ITPRID2: variants seen among roughly 807,000 people sequenced by gnomAD.
ITPRID2 encodes the protein ITPR interacting domain containing 2, also known as protein ITPRID2.
Under a neutral mutation model 124.3 loss-of-function variants are expected in ITPRID2, and 60 were observed. The ratio of observed to expected loss-of-function variants is 0.48; its 90% confidence interval spans 0.39 to 0.60. The LOEUF is 0.60. Ranked by LOEUF, ITPRID2 falls within the 20% of genes least tolerant of loss-of-function variation. ITPRID2 has a pLI of 0.00. For synonymous variants in ITPRID2, 521 were observed against 542.9 expected (o/e 0.96, Z 0.56); for missense variants, 1,553 against 1,512.2 (o/e 1.03, Z -0.45).
In ITPRID2 at chr2:181,919,235, TTG is replaced by T. The variant is rs1470602891; in HGVS notation, c.2994-58_2994-57del. 3 of 1,587,388 alleles carry T rather than the reference TTG, an allele frequency of 1.9e-6. No individual in the cohort carries two copies. The highest frequency in any genetic ancestry group is 1.7e-4 in the Middle Eastern group (1 of 6,006). The stretch of plus-strand genomic sequence containing the variant: ...TAGCATATAGTAGTTGTTGAAAGAT[TTG>T]TGATTAGGAATCTCCAAACTGCATT... On this transcript the variant is annotated intron_variant, in intron 13 of 17. Coordinates refer to ENST00000431877, the MANE Select transcript of ITPRID2 (RefSeq NM_001130445.3). The surrounding 1 kb of genome is among the most constrained non-coding windows in gnomAD (Gnocchi z 4.2).
At position 181,896,204 on chromosome 2, in the gene ITPRID2, C is replaced by A; in HGVS notation, c.307+125C>A. On this transcript the variant is annotated intron_variant, in intron 3 of 17. Coordinates refer to ENST00000431877, the MANE Select transcript of ITPRID2 (RefSeq NM_001130445.3). The surrounding 1 kb of genome is among the most constrained non-coding windows in gnomAD (Gnocchi z 4.3). ...TGTTTATAGTATATGCTATTCTGAG[C>A]TAGAAGCAAAATGGAGAAACTTTGT... 1 of 821,628 alleles carries A rather than the reference C, an allele frequency of 1.2e-6. No individual in the cohort carries two copies. Among genetic ancestry groups the A allele is most frequent in the South Asian group, 2.0e-5 (1 of 50,894 alleles). The allele number at this position is 821,628 out of a possible 1,614,324, so 50.9% of individuals were successfully genotyped here. A position where few individuals can be genotyped will look rare whatever the true frequency, so the allele number is the denominator to read the frequency against.
chr2:181,902,593 C>A lies in ITPRID2; in HGVS notation c.1413+127C>A. The A allele has an allele frequency of 1.4e-6, 1 of 728,560 alleles. No homozygotes were observed. Among genetic ancestry groups the A allele is most frequent in the Non-Finnish European group, 2.1e-6 (1 of 474,380 alleles). The allele number at this position is 728,560 out of a possible 1,614,324, so 45.1% of individuals were successfully genotyped here. A position where few individuals can be genotyped will look rare whatever the true frequency, so the allele number is the denominator to read the frequency against. On this transcript the variant is annotated intron_variant, in intron 8 of 17. Transcript: ENST00000431877. The surrounding 1 kb of genome is among the most constrained non-coding windows in gnomAD (Gnocchi z 4.4). Reference sequence around the variant, plus strand: ...AAAATTTATTCTAATTTTGACTTTCCAGGTTTATGTTTCACAAACCAAGAA... The same window carrying A: ...AAAATTTATTCTAATTTTGACTTTCAAGGTTTATGTTTCACAAACCAAGAA...
chr2:181,915,102 G>A (rs2125096289), intron 10 of ITPRID2, 114 bp from the exon 11 acceptor site: 1 of 1,243,260 alleles, frequency 8.0e-7, no homozygotes, highest in East Asian at 2.3e-5. Context: ...CAACAGCAGG[G>A]CCACAACTGC....
rs889925189 is a variant in ITPRID2 at position 181,905,893 on chromosome 2, T to A, written c.1413+3427T>A. On this transcript the variant is annotated intron_variant, in intron 8 of 17. Coordinates refer to ENST00000431877, the MANE Select transcript of ITPRID2 (RefSeq NM_001130445.3). The surrounding 1 kb of genome is among the most constrained non-coding windows in gnomAD (Gnocchi z 4.1). ...GGCCTTTTAAATGTAACTGTGTATG[T>A]TTTGAAGATAAGCCTGCCCTGGAAT... Among the ~76,000 whole-genome samples the A allele has an allele frequency of 3.9e-5, 6 of 152,196 alleles. No homozygotes were observed. Among genetic ancestry groups the A allele is most frequent in the Non-Finnish European group, 7.3e-5 (5 of 68,034 alleles).
rs192706577 is a variant in ITPRID2 at position 181,919,520 on chromosome 2, G to A, written c.3144+74G>A. On this transcript the variant is annotated intron_variant, in intron 14 of 17. Coordinates refer to ENST00000431877, the MANE Select transcript of ITPRID2 (RefSeq NM_001130445.3). This position sits in a 1 kb window ranked among gnomAD's most constrained non-coding sequence, Gnocchi z 4.2. ...AATGTTCCAATAATTTAGGACGTGT[G>A]CCTTCATTTCAAGTCATTTATTTTA... is the stretch of plus-strand genomic sequence containing the variant. 1.3e-5 allele frequency: 19 copies of A among 1,432,408 alleles called. No individual in the cohort carries two copies. The African/African-American group carries it at 2.0e-4, about 15-fold the overall frequency. 88.7% of individuals were successfully genotyped at this position (1,432,408 alleles called of 1,614,324 possible). A position where few individuals can be genotyped will look rare whatever the true frequency, so the allele number is the denominator to read the frequency against.
Position 181,907,753 on chromosome 2 carries a change from C to T in ITPRID2, c.1414-2146C>T, listed in dbSNP as rs1033858110. Among the ~76,000 whole-genome samples the T allele has an allele frequency of 5.3e-5, 8 of 152,054 alleles. No individual in the cohort carries two copies. Among genetic ancestry groups the T allele is most frequent in the Admixed American group, 5.2e-4 (8 of 15,276 alleles). On this transcript the variant is annotated intron_variant, in intron 8 of 17. Coordinates refer to ENST00000431877, the MANE Select transcript of ITPRID2 (RefSeq NM_001130445.3). The surrounding 1 kb of genome is among the most constrained non-coding windows in gnomAD (Gnocchi z 5.1). Reference sequence around the variant, plus strand: ...CTGCCGCCTTTTGCACAATTGTGACCAATAATAAAATAAGAAATTCACCCA... The same window carrying T: ...CTGCCGCCTTTTGCACAATTGTGACTAATAATAAAATAAGAAATTCACCCA...
At chr2:181,926,832 CATT>C (rs1316710577) in intron 16 of ITPRID2, among the ~76,000 whole-genome samples, 2 of 151,818 alleles carry the variant, frequency 1.3e-5, no homozygotes, top group African/African-American at 2.4e-5. Context: ...AGACTATACT[CATT>C]GTTGTGAATA....
At chr2:181,918,903 A>G in intron 13 of ITPRID2, 21 bp downstream of exon 13, 1 of 1,603,286 alleles carries the variant, frequency 6.2e-7, no homozygotes, top group Non-Finnish European at 8.5e-7. Context: ...ATTTTGTCTT[A>G]GCACACCTCA....
chr2:181,891,909 C>T lies in ITPRID2; in HGVS notation c.-158C>T, dbSNP rs1374359281. On this transcript the variant is annotated 5_prime_UTR_variant, in exon 1 of 18. Transcript: ENST00000431877. ...TTCCCTCCCCTTCCTTCCCTCCCTC[C>T]CTCCCTGTCCCCTCCTCCTCCTCCT... 1 of 525,594 alleles carries T rather than the reference C, an allele frequency of 1.9e-6. No individual in the cohort carries two copies. Among genetic ancestry groups the T allele is most frequent in the Non-Finnish European group, 3.3e-6 (1 of 298,906 alleles). 32.6% of individuals were successfully genotyped at this position (525,594 alleles called of 1,614,324 possible). A position where few individuals can be genotyped will look rare whatever the true frequency, so the allele number is the denominator to read the frequency against.
intron 2 of ITPRID2, chr2:181,894,840 C>T (rs751073251): frequency 6.6e-6 from 1 of 152,018 alleles, no homozygotes; most frequent in Non-Finnish European, 1.5e-5. Flanking sequence ...AAGGAGGATT[C>T]CTGTTACTCT....
rs769899758 is a variant in ITPRID2, at chr2:181,919,268, A to G, written c.2994-28A>G. 6.8e-6 allele frequency: 11 copies of G among 1,611,236 alleles called. No homozygotes were observed. Among genetic ancestry groups the G allele is most frequent in the East Asian group, 6.7e-5 (3 of 44,868 alleles). On this transcript the variant is annotated intron_variant, in intron 13 of 17. Coordinates refer to ENST00000431877, the MANE Select transcript of ITPRID2 (RefSeq NM_001130445.3). The surrounding 1 kb of genome is among the most constrained non-coding windows in gnomAD (Gnocchi z 4.2). The stretch of plus-strand genomic sequence containing the variant: ...AGGAATCTCCAAACTGCATTTTTCC[A>G]ATTTTGTGCCCTTCACCATACCAAT...
At position 181,892,692 on chromosome 2, in the gene ITPRID2, G is replaced by T; in HGVS notation, c.257+32G>T. The T allele has an allele frequency of 6.2e-7, 1 of 1,613,652 alleles. No individual in the cohort carries two copies. Among genetic ancestry groups the T allele is most frequent in the Non-Finnish European group, 8.5e-7 (1 of 1,179,810 alleles). Reference sequence around the variant, plus strand: ...GCTCCCTGGTCCGCCCGCGTCCCGGGGGAGATCCGTGCGGACGGGACGCCG... The same window carrying T: ...GCTCCCTGGTCCGCCCGCGTCCCGGTGGAGATCCGTGCGGACGGGACGCCG... On this transcript the variant is annotated intron_variant, in intron 2 of 17. Coordinates refer to ENST00000431877, the MANE Select transcript of ITPRID2 (RefSeq NM_001130445.3). The surrounding 1 kb of genome is among the most constrained non-coding windows in gnomAD (Gnocchi z 5.2).
At chr2:181,901,507 A>G (rs945970840) in intron 7 of ITPRID2, among the ~76,000 whole-genome samples, 6 of 152,184 alleles carry the variant, frequency 3.9e-5, no homozygotes, top group Admixed American at 2.6e-4. Context: ...TTTCTGTTTT[A>G]TTCAATGTTG....
In ITPRID2 at chr2:181,905,958, C is replaced by T. The variant is rs116158628; in HGVS notation, c.1413+3492C>T. On this transcript the variant is annotated intron_variant, in intron 8 of 17. Transcript: ENST00000431877. This position sits in a 1 kb window ranked among gnomAD's most constrained non-coding sequence, Gnocchi z 4.1. ...ATGACATGCACAGATATCTGCTACT[C>T]TAAAGCCCAATTAACCACTGTTTTG... Among the ~76,000 whole-genome samples, 635 of 152,280 alleles carry T rather than the reference C, an allele frequency of 4.2e-3. 7 individuals are homozygous for T. The highest frequency in any genetic ancestry group is 0.014 in the African/African-American group (601 of 41,542).
At position 181,892,363 on chromosome 2, in the gene ITPRID2, G is replaced by A. The variant is rs1691794477; in HGVS notation, c.211+86G>A. On this transcript the variant is annotated intron_variant, in intron 1 of 17. Transcript: ENST00000431877. This position sits in a 1 kb window ranked among gnomAD's most constrained non-coding sequence, Gnocchi z 5.2. ...CCTGGGCGCCTGCCACGAGTTCTGG[G>A]AGAGCCTCGGGCACGGTAGGCCGAG... 2 of 1,421,830 alleles carry A rather than the reference G, an allele frequency of 1.4e-6. No homozygotes were observed. Among genetic ancestry groups the A allele is most frequent in the Admixed American group, 2.3e-5 (1 of 42,980 alleles). 88.1% of individuals were successfully genotyped at this position (1,421,830 alleles called of 1,614,324 possible).
chr2:181,920,199 T>C (rs1054405172), intron 14 of ITPRID2, among the ~76,000 whole-genome samples: 1 of 152,214 alleles, frequency 6.6e-6, no homozygotes, highest in African/African-American at 2.4e-5. Flanking sequence ...CATACAATTA[T>C]GTGTGTATAT....
intron 8 of ITPRID2, among the ~76,000 whole-genome samples, chr2:181,906,926 C>T (rs968767472): frequency 4.6e-5 from 7 of 152,140 alleles, no homozygotes; most frequent in African/African-American, 1.7e-4. Context: ...TGATGCACAG[C>T]ACCATGCTAC....
chr2:181,902,070 C>T lies in ITPRID2; in HGVS notation c.1017C>T (p.Asn339=), dbSNP rs778909763. 15 of 1,610,728 alleles carry T rather than the reference C, an allele frequency of 9.3e-6. No individual in the cohort carries two copies. Among genetic ancestry groups the T allele is most frequent in the East Asian group, 4.5e-5 (2 of 44,864 alleles). ...VSVIEESGNK[N]DQKSQKIMKK... ...TGATTGAAGAAAGTGGCAATAAAAA[C>T]GATCAAAAGTCTCAAAAAATTATGA... Residue 339 remains asparagine, a synonymous_variant, in exon 8 of 18, where the codon AAC becomes AAT. Transcript: ENST00000431877. This position sits in a 1 kb window ranked among gnomAD's most constrained non-coding sequence, Gnocchi z 4.4.
chr2:181,913,973 C>G (rs768568871), intron 10 of ITPRID2, 40 bp downstream of exon 10: 2 of 1,387,272 alleles, frequency 1.4e-6, no homozygotes, highest in South Asian at 2.4e-5. Context: ...GATTAACTTC[C>G]TCATTTTAAG....
Sources: allele counts gnomAD v4.1 joint callset (sites outside exome capture counted in the v4.1 genomes callset), GRCh38; gene constraint gnomAD v4.1.1; non-coding constraint Gnocchi (gnomAD v3.1); transcripts MANE v1.5; gene names NCBI Gene and HGNC (gene_info 2026-07-23, HGNC 2026-07-21).